DMD: variants seen among roughly 807,000 people sequenced by gnomAD.
DMD encodes the protein mutant dystrophin.
A neutral mutation model predicts 330.1 loss-of-function variants in DMD; 63 were observed. The observed-to-expected ratio is 0.19, with a 90% CI of 0.16 to 0.24. The LOEUF (loss-of-function observed/expected upper bound fraction) is 0.24. DMD is among the 10% of genes least tolerant of loss of function. The pLI is 1.00. For synonymous variants in DMD, 1,223 were observed against 959.8 expected (o/e 1.27, Z -5.07); for missense variants, 3,344 against 2,684.1 (o/e 1.25, Z -5.43).
At position 32,351,209 on chromosome X, in the gene DMD, T is replaced by G. The variant is rs540436993; in HGVS notation, c.5326-2681A>C. Among the ~76,000 whole-genome samples the G allele has an allele frequency of 2.7e-5, 3 of 111,107 alleles. No homozygotes were observed. The South Asian group carries it at 1.1e-3, about 42-fold the overall frequency. On this transcript the variant is annotated intron_variant, in intron 37 of 78. Coordinates refer to ENST00000357033, the MANE Select transcript of DMD (RefSeq NM_004006.3). ...TGCTCTATAAATCTTGGGTCTTATT[T>G]TGATCCTCTCAAAATCCTAATCATC... is the stretch of plus-strand genomic sequence containing the variant.
intron 11 of DMD, among the ~76,000 whole-genome samples, chrX:32,616,764 C>T (rs1018703454): frequency 9.7e-5 from 9 of 92,788 alleles, no homozygotes; most frequent in Non-Finnish European, 1.8e-4. Flanking sequence ...AGGTATGCTC[C>T]TTGCTTCTAG....
chrX:32,809,220 A>G (rs768155127), intron 7 of DMD, among the ~76,000 whole-genome samples: 1 of 111,999 alleles, frequency 8.9e-6, no homozygotes, highest in Non-Finnish European at 1.9e-5. Context: ...ATGCACTCCA[A>G]ATGCAGTATG....
intron 2 of DMD, among the ~76,000 whole-genome samples, chrX:32,859,087 G>A (rs1228217686): frequency 3.6e-5 from 4 of 111,453 alleles, no homozygotes; most frequent in African/African-American, 9.8e-5. Context: ...CAAATCGTAT[G>A]CACTCAATAA....
At chrX:32,982,398 T>C (rs1456663938) in intron 2 of DMD, among the ~76,000 whole-genome samples, 1 of 111,836 alleles carries the variant, frequency 8.9e-6, no homozygotes, top group Non-Finnish European at 1.9e-5. Context: ...ATCTGCACTA[T>C]GGATTTTTAA....
At chrX:31,787,151 C>T (rs1160042438) in intron 50 of DMD, among the ~76,000 whole-genome samples, 1 of 111,270 alleles carries the variant, frequency 9.0e-6, no homozygotes, top group East Asian at 2.8e-4. Context: ...GGTGGTAGAA[C>T]ACCTGAGGTC....
chrX:32,886,058 G>C (rs6631660), intron 2 of DMD, among the ~76,000 whole-genome samples: 3 of 111,130 alleles, frequency 2.7e-5, no homozygotes, highest in African/African-American at 9.8e-5. Context: ...AACATATGTA[G>C]ATAAAAGTGT....
intron 11 of DMD, among the ~76,000 whole-genome samples, chrX:32,619,596 G>A (rs754910813): frequency 9.0e-6 from 1 of 111,714 alleles, no homozygotes; most frequent in Non-Finnish European, 1.9e-5. Flanking sequence ...TTAAAGTAGG[G>A]TTTAAAAAGC....
intron 1 of DMD, among the ~76,000 whole-genome samples, chrX:33,055,242 C>T (rs1430023256): frequency 1.8e-5 from 2 of 111,606 alleles, no homozygotes; most frequent in South Asian, 3.7e-4. Context: ...ACAATCAATA[C>T]TACAGAGTGG....
intron 55 of DMD, among the ~76,000 whole-genome samples, chrX:31,576,054 A>T (rs5972413): frequency 0.048 from 5,414 of 111,770 alleles, 201 homozygotes; most frequent in East Asian, 0.16. Context: ...TAAGACCACA[A>T]AACTTGCAAA....
intron 1 of DMD, among the ~76,000 whole-genome samples, chrX:33,221,279 C>T (rs939815000): frequency 1.8e-5 from 2 of 111,804 alleles, no homozygotes; most frequent in Non-Finnish European, 3.8e-5. Context: ...GAAAAGTTGA[C>T]ATTTTAATCG....
intron 2 of DMD, among the ~76,000 whole-genome samples, chrX:32,920,604 T>C (rs1569542505): frequency 8.9e-6 from 1 of 111,809 alleles, no homozygotes; most frequent in Non-Finnish European, 1.9e-5. Flanking sequence ...AGTATACAAT[T>C]GAATTTTTGA....
At chrX:31,418,467 G>A (rs1179353186) in intron 60 of DMD, among the ~76,000 whole-genome samples, 1 of 111,504 alleles carries the variant, frequency 9.0e-6, no homozygotes, top group African/African-American at 3.3e-5. Context: ...TCACAAAATA[G>A]GGCAGTTAGA....
Position 32,518,066 on chromosome X carries a change from G to A in DMD, c.2234C>T (p.Pro745Leu). Residue 745 changes from proline to leucine, a missense_variant, in exon 18 of 79, where the codon CCT becomes CTT. Pro to Leu is a moderately conservative substitution (Grantham distance 98). Transcript: ENST00000357033. ...TTCCTTCCGAAAGATTGCAAATTCA[G>A]GACTCTGCAACACAGCTTCTGAGCG... is the stretch of plus-strand genomic sequence containing the variant. Reference protein sequence around the residue: ...ITRSEAVLQSPEFAIFRKEGN... With the variant: ...ITRSEAVLQSLEFAIFRKEGN... The A allele has an allele frequency of 1.7e-6, 2 of 1,209,132 alleles. No homozygotes were observed. Among genetic ancestry groups the A allele is most frequent in the Non-Finnish European group, 2.2e-6 (2 of 893,366 alleles).
intron 7 of DMD, among the ~76,000 whole-genome samples, chrX:32,731,552 C>A (rs756177821): frequency 5.3e-5 from 6 of 112,406 alleles, no homozygotes; most frequent in South Asian, 3.7e-4. Context: ...TCCCAGTACG[C>A]AGCTGGAGAT....
chrX:31,776,317 T>C (rs1398838666), intron 50 of DMD, among the ~76,000 whole-genome samples: 2 of 110,546 alleles, frequency 1.8e-5, no homozygotes, highest in Non-Finnish European at 3.8e-5. Flanking sequence ...TTCAAGCTTA[T>C]GGGAAGTGTC....
intron 16 of DMD, among the ~76,000 whole-genome samples, chrX:32,562,473 G>C (rs886697175): frequency 1.8e-5 from 2 of 112,663 alleles, no homozygotes; most frequent in African/African-American, 6.5e-5. Context: ...TGGGTGCCTT[G>C]TCATCTCAAT....
chrX:31,131,628 T>A (rs372965030), intron 77 of DMD, among the ~76,000 whole-genome samples: 7 of 111,614 alleles, frequency 6.3e-5, no homozygotes, highest in African/African-American at 2.3e-4. Flanking sequence ...GATGTTAAGA[T>A]TCTCAAGAAT....
chrX:31,975,235 G>T (rs2095427612), intron 44 of DMD, among the ~76,000 whole-genome samples: 1 of 111,670 alleles, frequency 9.0e-6, no homozygotes, highest in African/African-American at 3.2e-5. Flanking sequence ...TTTAGGTGGG[G>T]CATGAAAGCA....
chrX:32,610,767 A>C (rs1268468074), intron 12 of DMD, among the ~76,000 whole-genome samples: 1 of 111,264 alleles, frequency 9.0e-6, no homozygotes, highest in Non-Finnish European at 1.9e-5. Flanking sequence ...ATATTAGGTT[A>C]GAAGTTTGGT....
Sources: allele counts gnomAD v4.1 joint callset (sites outside exome capture counted in the v4.1 genomes callset), GRCh38; gene constraint gnomAD v4.1.1; transcripts MANE v1.5; gene names NCBI Gene and HGNC (gene_info 2026-07-23, HGNC 2026-07-21).